Variants in HOOK3 observed in about 807,000 individuals in gnomAD.
HOOK3 encodes protein Hook homolog 3.
In HOOK3, 24 loss-of-function variants were observed where a neutral mutation model predicts 116.3. The ratio of observed to expected loss-of-function variants is 0.21; its 90% CI spans 0.15 to 0.29. The LOEUF (loss-of-function observed/expected upper bound fraction) is 0.29, where lower values mean the gene tolerates loss of function less well. HOOK3 is among the 10% of genes least tolerant of loss of function. HOOK3 has a pLI of 1.00. For missense variants in HOOK3, 632 were observed against 830.2 expected, an observed-to-expected ratio of 0.76 and a Z score of 2.93; for synonymous variants, 275 against 283.0, an observed-to-expected ratio of 0.97 and a Z score of 0.28.
At position 42,921,843 on chromosome 8, in the gene HOOK3, A is replaced by G. The variant is rs375372507; in HGVS notation, c.144-3714A>G. On this transcript the variant is annotated intron_variant, in intron 2 of 21. Transcript: ENST00000307602. ...GAAAAGGCTGGTGTATGGAGAGAAA[A>G]TGGTGTAGATGGATAGAAAGAAAGA... Among the ~76,000 whole-genome samples the G allele has an allele frequency of 5.3e-5, 8 of 152,294 alleles. No homozygotes were observed. In the South Asian group the frequency reaches 1.0e-3, roughly 20 times the overall value.
In HOOK3 at chr8:42,906,182, T is replaced by G. The variant is rs769810244; in HGVS notation, c.67T>G (p.Phe23Val). ...CTTTTTTTCCCTTCAGATCCAGACA[T>G]TTAATGTGGATGCACCATGCCAGAC... ...CESLLTWIQT[F>V]NVDAPCQTVE... is the part of the protein sequence containing the mutation. Residue 23 changes from phenylalanine (F) to valine (V), a missense_variant, in exon 2 of 22, where the codon TTT becomes GTT. Phe to Val is a conservative substitution (Grantham distance 50). Coordinates refer to ENST00000307602, the MANE Select transcript of HOOK3 (RefSeq NM_032410.4). 3.4e-6 allele frequency: 3 copies of G among 874,496 alleles called. No individual in the cohort carries two copies. In the South Asian group the frequency reaches 3.9e-5, roughly 11 times the overall value. 54.2% of individuals were successfully genotyped at this position (874,496 alleles called of 1,614,324 possible). A position where few individuals can be genotyped will look rare whatever the true frequency, so the allele number is the denominator to read the frequency against.
At chr8:42,991,365 G>T (rs1008582822) in intron 15 of HOOK3, among the ~76,000 whole-genome samples, 22 of 144,864 alleles carry the variant, frequency 1.5e-4, no homozygotes, top group African/African-American at 5.5e-4. Context: ...TTTTGAATCT[G>T]TAGATAGATA....
At chr8:42,957,048 T>A (rs781467390) in intron 6 of HOOK3, 46 bp from the exon 7 acceptor site, 1 of 1,035,674 alleles carries the variant, frequency 9.7e-7, no homozygotes, top group Non-Finnish European at 1.5e-6. Flanking sequence ...TTATGTAGAA[T>A]GTCTTTTTTG....
intron 21 of HOOK3, among the ~76,000 whole-genome samples, chr8:43,017,637 T>C (rs1300468206): frequency 6.6e-6 from 1 of 152,184 alleles, no homozygotes; most frequent in Admixed American, 6.5e-5. Context: ...TTTCCTGATG[T>C]ACTCATAGAC....
chr8:42,988,311 A>G (rs1809087298), intron 15 of HOOK3, among the ~76,000 whole-genome samples: 1 of 152,154 alleles, frequency 6.6e-6, no homozygotes, highest in Non-Finnish European at 1.5e-5. Flanking sequence ...CGCCTCATTC[A>G]TCCTTTGCCT....
intron 21 of HOOK3, among the ~76,000 whole-genome samples, chr8:43,016,375 C>T (rs1362749660): frequency 6.6e-6 from 1 of 152,184 alleles, no homozygotes; most frequent in Non-Finnish European, 1.5e-5. Context: ...CCTCCTCGGC[C>T]TCCCAAAGTG....
At chr8:42,998,090 G>T (rs980390927) in intron 16 of HOOK3, 1 of 205,492 alleles carries the variant, frequency 4.9e-6, no homozygotes, top group Admixed American at 5.7e-5. Context: ...TCTGTTCCCC[G>T]ACACTGGCCC....
chr8:43,011,740 A>T (rs1198739757), intron 19 of HOOK3, among the ~76,000 whole-genome samples: 2 of 152,168 alleles, frequency 1.3e-5, no homozygotes, highest in Non-Finnish European at 2.9e-5. Flanking sequence ...TTAGCTGGTC[A>T]TGGTGGCATG....
At chr8:42,905,813 C>T (rs545091871) in intron 1 of HOOK3, among the ~76,000 whole-genome samples, 6 of 150,576 alleles carry the variant, frequency 4.0e-5, no homozygotes, top group East Asian at 3.9e-4. Context: ...CAGCCAGGTG[C>T]GGTGGCTCAC....
rs1809794082 is a variant in HOOK3 at position 43,020,040 on chromosome 8, C to G, written c.*1542C>G. The G allele has an allele frequency of 5.0e-6, 1 of 198,462 alleles. No individual in the cohort carries two copies. The highest frequency in any genetic ancestry group is 1.9e-4 in the South Asian group (1 of 5,206). 12.3% of individuals were successfully genotyped at this position (198,462 alleles called of 1,614,324 possible). ...ATTAAGAATTTTCAGCAACTATATT[C>G]AAGTGTTTGATTTTTAAATTCTTTC... is the stretch of plus-strand genomic sequence containing the variant. On this transcript the variant is annotated 3_prime_UTR_variant, in exon 22 of 22. Transcript: ENST00000307602.
chr8:42,961,074 T>C (rs922142570), intron 8 of HOOK3, among the ~76,000 whole-genome samples: 1 of 152,032 alleles, frequency 6.6e-6, no homozygotes, highest in African/African-American at 2.4e-5. Context: ...AAAGGTGCCA[T>C]ACACTTTTAA....
At chr8:42,945,432 C>CT (rs761137582) in intron 5 of HOOK3, among the ~76,000 whole-genome samples, 29 of 152,234 alleles carry the variant, frequency 1.9e-4, no homozygotes, top group Non-Finnish European at 3.2e-4. Context: ...GCCTCAGCCT[C>CT]TTGAGTAGCT....
chr8:43,010,447 C>T (rs1363259994), intron 19 of HOOK3, 42 bp downstream of exon 19: 1 of 674,484 alleles, frequency 1.5e-6, no homozygotes, highest in South Asian at 2.6e-5. Context: ...ACCTTCTGAT[C>T]ACATTTCAGT....
At chr8:42,976,802 C>T (rs1410891372) in intron 13 of HOOK3, among the ~76,000 whole-genome samples, 2 of 152,146 alleles carry the variant, frequency 1.3e-5, no homozygotes, top group South Asian at 2.1e-4. Flanking sequence ...GAGGCTGAGG[C>T]ATGAGAATGG....
chr8:42,950,506 A>G, intron 6 of HOOK3, 51 bp downstream of exon 6: 2 of 1,175,706 alleles, frequency 1.7e-6, no homozygotes, highest in Non-Finnish European at 2.5e-6. Flanking sequence ...AGGAGTAAAC[A>G]TGAGTATGAA....
At chr8:43,007,341 C>G (rs1809512919) in intron 17 of HOOK3, among the ~76,000 whole-genome samples, 1 of 152,136 alleles carries the variant, frequency 6.6e-6, no homozygotes, top group South Asian at 2.1e-4. Context: ...CAAAACTAGC[C>G]ACACAGCTGA....
chr8:43,026,322 G>A lies in HOOK3; in HGVS notation c.*7824G>A, dbSNP rs1165332615. ...ACTGTTACTTCTAGTCATTTATGTA[G>A]TATATTTTACTGCAAAATTTGTAGC... On this transcript the variant is annotated 3_prime_UTR_variant, in exon 22 of 22. Transcript: ENST00000307602. The A allele has an allele frequency of 2.1e-5, 4 of 191,922 alleles. No homozygotes were observed. In the East Asian group the frequency reaches 2.5e-4, roughly 12 times the overall value. The allele number at this position is 191,922 out of a possible 1,614,324, so 11.9% of individuals were successfully genotyped here. A position where few individuals can be genotyped will look rare whatever the true frequency, so the allele number is the denominator to read the frequency against.
intron 16 of HOOK3, among the ~76,000 whole-genome samples, chr8:43,001,826 A>G (rs1809385677): frequency 6.6e-6 from 1 of 152,158 alleles, no homozygotes; most frequent in African/African-American, 2.4e-5. Context: ...TAATTAAGTG[A>G]CTTTTTCATT....
intron 14 of HOOK3, among the ~76,000 whole-genome samples, chr8:42,984,331 G>A (rs1809008413): frequency 2.0e-5 from 3 of 150,656 alleles, no homozygotes; most frequent in Admixed American, 6.6e-5. Context: ...TCGCGCCATT[G>A]CACTCCAGTC....
Sources: allele counts gnomAD v4.1 joint callset (sites outside exome capture counted in the v4.1 genomes callset), GRCh38; gene constraint gnomAD v4.1.1; transcripts MANE v1.5; gene names NCBI Gene and HGNC (gene_info 2026-07-23, HGNC 2026-07-21).